MAP2K6: variants seen among roughly 807,000 people sequenced by gnomAD.
MAP2K6 encodes the protein mitogen-activated protein kinase kinase 6.
Under a neutral mutation model 53.7 loss-of-function variants are expected in MAP2K6, and 16 were observed. The observed-to-expected ratio is 0.30, with a 90% CI of 0.20 to 0.45. The LOEUF is 0.45. Among genes scored for constraint, MAP2K6 ranks in the 20% least tolerant of loss-of-function variants. MAP2K6 has a pLI of 1.00. For missense variants in MAP2K6, 204 were observed against 411.9 expected, an observed-to-expected ratio of 0.50 and a Z score of 4.37; for synonymous variants, 132 against 143.1, an observed-to-expected ratio of 0.92 and a Z score of 0.55.
chr17:69,526,789 C>G (rs1567855874), intron 10 of MAP2K6, 80 bp downstream of exon 10: 4 of 1,496,260 alleles, frequency 2.7e-6, no homozygotes, highest in East Asian at 2.3e-5. Context: ...GGGGTTGAAT[C>G]CATCATGCAT....
At chr17:69,504,875 AAC>A (rs1276018241) in intron 1 of MAP2K6, among the ~76,000 whole-genome samples, 1 of 152,206 alleles carries the variant, frequency 6.6e-6, no homozygotes, top group Non-Finnish European at 1.5e-5. Flanking sequence ...TCCTTTCTGG[AAC>A]AGGGAAAATG....
intron 1 of MAP2K6, among the ~76,000 whole-genome samples, chr17:69,470,419 T>C (rs918790956): frequency 2.6e-5 from 4 of 152,022 alleles, no homozygotes; most frequent in Admixed American, 2.0e-4. Context: ...CCAGGGAGGA[T>C]AGATGCTTCA....
chr17:69,527,703 A>T (rs1163821092), intron 10 of MAP2K6, among the ~76,000 whole-genome samples: 13 of 152,064 alleles, frequency 8.5e-5, no homozygotes, highest in Admixed American at 8.5e-4. Flanking sequence ...TGACCCTGGG[A>T]GGGGAGCCGT....
intron 1 of MAP2K6, among the ~76,000 whole-genome samples, chr17:69,452,979 G>A (rs1292247288): frequency 6.6e-6 from 1 of 152,192 alleles, no homozygotes; most frequent in Non-Finnish European, 1.5e-5. Flanking sequence ...TGCATAGAGT[G>A]ACAGCCTCAA....
intron 1 of MAP2K6, among the ~76,000 whole-genome samples, chr17:69,416,413 C>A (rs187197568): frequency 4.6e-5 from 7 of 152,202 alleles, no homozygotes; most frequent in Admixed American, 4.6e-4. Context: ...TGGGGAAAAC[C>A]TAAAAATCTC....
chr17:69,484,406 T>G (rs779331166), intron 1 of MAP2K6, among the ~76,000 whole-genome samples: 9 of 152,046 alleles, frequency 5.9e-5, no homozygotes, highest in Non-Finnish European at 1.2e-4. Context: ...GGATGACAAT[T>G]GTAACAAAAA....
chr17:69,541,683 C>A lies in MAP2K6; in HGVS notation c.935C>A (p.Pro312Gln). ...TTTCTTTTTCTTTTCCAGCAACATC[C>A]ATTTTTCACCCTACATGAATCCAAA... ...RPTYPELMQH[P>Q]FFTLHESKGT... The change falls in exon 12 of 12, where the codon CCA (proline) becomes CAA (glutamine). Residue 312 changes from proline to glutamine, a missense_variant. Coordinates refer to ENST00000590474, the MANE Select transcript of MAP2K6 (RefSeq NM_002758.4). 1 of 1,611,300 alleles carries A rather than the reference C, an allele frequency of 6.2e-7. No individual in the cohort carries two copies. Among genetic ancestry groups the A allele is most frequent in the South Asian group, 1.1e-5 (1 of 90,864 alleles).
chr17:69,517,761 C>T (rs41309304), intron 4 of MAP2K6, 148 bp downstream of exon 4: 15,762 of 454,090 alleles, frequency 0.035, 383 homozygotes, highest in Non-Finnish European at 0.048. Flanking sequence ...TATTTTCCTC[C>T]AAAGGTATGG....
chr17:69,442,420 C>A (rs530712714), intron 1 of MAP2K6, among the ~76,000 whole-genome samples: 2 of 152,302 alleles, frequency 1.3e-5, no homozygotes, highest in East Asian at 3.9e-4. Flanking sequence ...CTTCTGACTT[C>A]ATCTGCCACC....
chr17:69,469,735 C>T (rs888638637), intron 1 of MAP2K6, among the ~76,000 whole-genome samples: 1 of 151,942 alleles, frequency 6.6e-6, no homozygotes, highest in African/African-American at 2.4e-5. Context: ...TGCACCCCAG[C>T]CTGGGGGCAA....
intron 2 of MAP2K6, among the ~76,000 whole-genome samples, chr17:69,512,131 C>T (rs908511652): frequency 4.6e-5 from 7 of 151,772 alleles, no homozygotes; most frequent in Non-Finnish European, 7.4e-5. Flanking sequence ...CACAGCTTCT[C>T]GGTGGAAGAA....
intron 2 of MAP2K6, among the ~76,000 whole-genome samples, chr17:69,506,989 A>G (rs1029708804): frequency 6.6e-6 from 1 of 150,756 alleles, no homozygotes; most frequent in Non-Finnish European, 1.5e-5. Context: ...TCTCTGAGCA[A>G]TTTCTTTTTC....
At chr17:69,468,784 A>G (rs1907894682) in intron 1 of MAP2K6, among the ~76,000 whole-genome samples, 2 of 152,222 alleles carry the variant, frequency 1.3e-5, no homozygotes. Context: ...GAGAGAAACT[A>G]AAAACCATGA....
intron 1 of MAP2K6, chr17:69,434,152 A>T (rs1906563665): frequency 1.3e-5 from 2 of 152,190 alleles, no homozygotes; most frequent in Admixed American, 1.3e-4. Context: ...CCTAAAAGAT[A>T]CCAACCTTTA....
rs373776681 is a variant in MAP2K6, at chr17:69,520,333, A to G, written c.430A>G (p.Ile144Val). 4.3e-5 allele frequency: 70 copies of G among 1,612,950 alleles called. No individual in the cohort carries two copies. The highest frequency in any genetic ancestry group is 6.7e-5 in the Admixed American group (4 of 59,732). ...ACTAGATAAATTCTACAAACAAGTT[A>G]TTGATAAAGGCCAGACAATTCCAGA... Reference protein sequence around the residue: ...TSLDKFYKQVIDKGQTIPEDI... With the variant: ...TSLDKFYKQVVDKGQTIPEDI... The change falls in exon 6 of 12, where the codon ATT becomes GTT. Residue 144 changes from isoleucine to valine, a missense_variant. Around this residue, in one of 3 missense-constraint regions of MAP2K6, gnomAD observed 129 missense variants for 247.1 expected, o/e 0.52. Coordinates refer to ENST00000590474, the MANE Select transcript of MAP2K6 (RefSeq NM_002758.4).
At position 69,519,452 on chromosome 17, in the gene MAP2K6, A is replaced by G. The variant is rs769711240; in HGVS notation, c.366+20A>G. 3 of 1,613,874 alleles carry G rather than the reference A, an allele frequency of 1.9e-6. No homozygotes were observed. Among genetic ancestry groups the G allele is most frequent in the Non-Finnish European group, 2.5e-6 (3 of 1,179,870 alleles). On this transcript the variant is annotated intron_variant, in intron 5 of 11. Coordinates refer to ENST00000590474, the MANE Select transcript of MAP2K6 (RefSeq NM_002758.4). ...CGGGAGGTAGGTGACCCTTCAATTC[A>G]AAGTCCAAGAGGAACAATAACTTAA...
At chr17:69,476,888 G>GCCTTTATCCTGCCAC (rs1183857060) in intron 1 of MAP2K6, among the ~76,000 whole-genome samples, 1 of 152,202 alleles carries the variant, frequency 6.6e-6, no homozygotes, top group African/African-American at 2.4e-5. Flanking sequence ...CCCACATACA[G>GCCTTTATCCTGCCAC]CCTTTATCCT....
chr17:69,420,570 G>C (rs997614167), intron 1 of MAP2K6, among the ~76,000 whole-genome samples: 7 of 152,146 alleles, frequency 4.6e-5, no homozygotes, highest in African/African-American at 1.4e-4. Flanking sequence ...AAGTTTTATA[G>C]TCCAATCACT....
In MAP2K6 at chr17:69,494,287, C is replaced by T. The variant is rs1209262258; in HGVS notation, c.17-11493C>T. On this transcript the variant is annotated intron_variant, in intron 1 of 11. Coordinates refer to ENST00000590474, the MANE Select transcript of MAP2K6 (RefSeq NM_002758.4). This position sits in a 1 kb window ranked among gnomAD's most constrained non-coding sequence, Gnocchi z 4.2. ...CCAAGGCGGGCAGATCACCTGAGGC[C>T]GAGAGTTTGTGACCAGCCTGGCCAA... 1.3e-5 allele frequency among the ~76,000 whole-genome samples: 2 copies of T among 152,136 alleles called. No homozygotes were observed. The highest frequency in any genetic ancestry group is 4.8e-5 in the African/African-American group (2 of 41,430).
Sources: gnomAD v4.1 joint callset for allele counts (sites outside exome capture counted in the v4.1 genomes callset) on GRCh38, gnomAD v4.1.1 for gene constraint, gnomAD v4.1.1 regional missense constraint, Gnocchi (gnomAD v3.1) non-coding constraint, MANE v1.5 for transcripts, NCBI Gene and HGNC (gene_info 2026-07-23, HGNC 2026-07-21) for gene names.